SLC15A4: variants seen among roughly 807,000 people sequenced by gnomAD.
The protein encoded by SLC15A4 is hPHT1.
Under a neutral mutation model 46.1 loss-of-function variants are expected in SLC15A4, and 26 were observed. That is an observed-to-expected ratio of 0.56 (90% CI 0.41 to 0.78). The LOEUF (loss-of-function observed/expected upper bound fraction) is 0.78. SLC15A4 is among the 30% of genes least tolerant of loss of function. The pLI is 0.00. For synonymous variants in SLC15A4, 370 were observed against 333.4 expected (o/e 1.11, Z -1.20); for missense variants, 751 against 755.7 (o/e 0.99, Z 0.07).
At chr12:128,798,047 T>C (rs896910180) in intron 7 of SLC15A4, among the ~76,000 whole-genome samples, 3 of 152,200 alleles carry the variant, frequency 2.0e-5, no homozygotes, top group Admixed American at 6.5e-5. Context: ...ACAGAAATGA[T>C]GAATGAAAGG....
rs1424646696 is a variant in SLC15A4 at position 128,823,686 on chromosome 12, G to A, written c.258C>T (p.Tyr86=). 5 of 1,516,116 alleles carry A rather than the reference G, an allele frequency of 3.3e-6. No individual in the cohort carries two copies. Among genetic ancestry groups the A allele is most frequent in the South Asian group, 2.4e-5 (2 of 81,878 alleles). 93.9% of individuals were successfully genotyped at this position (1,516,116 alleles called of 1,614,324 possible). A position where few individuals can be genotyped will look rare whatever the true frequency, so the allele number is the denominator to read the frequency against. ...GCCAGCCTCCGAACGGCGAGCCCAGGTAGGTGAGGCCCATGAAGAGCAGCA... is the reference window on the plus strand; with the variant it reads ...GCCAGCCTCCGAACGGCGAGCCCAGATAGGTGAGGCCCATGAAGAGCAGCA... ...EALLLFMGLT[Y]LGSPFGGWLA... Residue 86 remains tyrosine (Y), a synonymous_variant, in exon 1 of 8, where the codon TAC becomes TAT. Coordinates refer to ENST00000266771, the MANE Select transcript of SLC15A4 (RefSeq NM_145648.4).
chr12:128,807,365 A>T (rs1160329481), intron 5 of SLC15A4, among the ~76,000 whole-genome samples: 1 of 152,184 alleles, frequency 6.6e-6, no homozygotes, highest in African/African-American at 2.4e-5. Flanking sequence ...TATGAAACTG[A>T]AAGAGAGGAT....
intron 5 of SLC15A4, among the ~76,000 whole-genome samples, chr12:128,807,015 G>A (rs1955598054): frequency 6.8e-6 from 1 of 146,820 alleles, no homozygotes; most frequent in Non-Finnish European, 1.5e-5. Context: ...CGACTCTCCT[G>A]CCTCAACCTC....
chr12:128,800,862 C>T lies in SLC15A4; in HGVS notation c.1406G>A (p.Ser469Asn). 3 of 1,611,100 alleles carry T rather than the reference C, an allele frequency of 1.9e-6. No homozygotes were observed. The highest frequency in any genetic ancestry group is 8.5e-7 in the Non-Finnish European group (1 of 1,178,704). The part of the protein sequence containing the change: ...LLIGISEIFA[S>N]IAGLEFAYSA... ...GCACTAAAGGTCCTCACCTGCGATA[C>T]TTGCAAAGATCTCGCTGATCCCAAT... is the stretch of plus-strand genomic sequence containing the variant. Residue 469 changes from serine to asparagine, a missense_variant, in exon 6 of 8, where the codon AGT (serine) becomes AAT (asparagine). Physicochemically the swap from Ser to Asn is conservative, Grantham distance 46. Coordinates refer to ENST00000266771, the MANE Select transcript of SLC15A4 (RefSeq NM_145648.4).
At chr12:128,807,650 C>A in intron 5 of SLC15A4, among the ~76,000 whole-genome samples, 1 of 152,336 alleles carries the variant, frequency 6.6e-6, no homozygotes, top group Non-Finnish European at 1.5e-5. Context: ...TCTGCTGAAC[C>A]GCAGCCTGCA....
intron 7 of SLC15A4, among the ~76,000 whole-genome samples, chr12:128,796,975 G>A (rs1955452837): frequency 6.6e-6 from 1 of 152,186 alleles, no homozygotes; most frequent in Non-Finnish European, 1.5e-5. Context: ...CTGTCTCAGG[G>A]TGGCATTACA....
At chr12:128,822,953 G>A (rs1955870509) in intron 1 of SLC15A4, among the ~76,000 whole-genome samples, 1 of 152,086 alleles carries the variant, frequency 6.6e-6, no homozygotes, top group Non-Finnish European at 1.5e-5. Context: ...TAGGCTCAAG[G>A]AATCCTCCTT....
rs1488717483 is a variant in SLC15A4 at position 128,800,855 on chromosome 12, T to C, written c.1413A>G (p.Ala471=). 1.2e-6 allele frequency: 2 copies of C among 1,610,226 alleles called. No individual in the cohort carries two copies. Among genetic ancestry groups the C allele is most frequent in the Admixed American group, 3.4e-5 (2 of 59,254 alleles). ...ACCTCCGGCACTAAAGGTCCTCACC[T>C]GCGATACTTGCAAAGATCTCGCTGA... ...IGISEIFASI[A]GLEFAYSAAP... The change falls in exon 6 of 8, where the codon GCA becomes GCG. Residue 471 remains alanine, a splice_region_variant and synonymous_variant. Coordinates refer to ENST00000266771, the MANE Select transcript of SLC15A4 (RefSeq NM_145648.4).
At chr12:128,801,532 A>C (rs947751153) in intron 5 of SLC15A4, 4 of 152,840 alleles carry the variant, frequency 2.6e-5, no homozygotes, top group African/African-American at 9.6e-5. Context: ...TAATCTTTGC[A>C]ACAAAGTAAG....
At position 128,796,429 on chromosome 12, in the gene SLC15A4, C is replaced by CAAAAAAAAA. The variant is rs57014966; in HGVS notation, c.1574-2082_1574-2074dup. On this transcript the variant is annotated intron_variant, in intron 7 of 7. Transcript: ENST00000266771. Reference sequence around the variant, plus strand: ...GGGCAACAAACGTGAAACTCCATCTCAAAAAAAAAAAAAAAAAAAAAAAAA... The same window carrying CAAAAAAAAA: ...GGGCAACAAACGTGAAACTCCATCTCAAAAAAAAAAAAAAAAAAAAAAAAAAAAAAAAAA... Among the ~76,000 whole-genome samples the CAAAAAAAAA allele has an allele frequency of 3.0e-3, 101 of 33,900 alleles. 2 individuals are homozygous for CAAAAAAAAA. The highest frequency in any genetic ancestry group is 0.038 in the Middle Eastern group (2 of 52). 22.2% of individuals were successfully genotyped at this position (33,900 alleles called of 152,430 possible). A position where few individuals can be genotyped will look rare whatever the true frequency, so the allele number is the denominator to read the frequency against.
intron 5 of SLC15A4, among the ~76,000 whole-genome samples, chr12:128,802,429 C>A (rs1364157654): frequency 6.6e-6 from 1 of 152,138 alleles, no homozygotes; most frequent in Admixed American, 6.5e-5. Context: ...GGGACCATAG[C>A]TGACTACACT....
At chr12:128,821,967 T>C (rs1024659952) in intron 1 of SLC15A4, among the ~76,000 whole-genome samples, 4 of 151,956 alleles carry the variant, frequency 2.6e-5, no homozygotes, top group Non-Finnish European at 5.9e-5. Context: ...GAAGCAGACC[T>C]GACCTGCTAC....
chr12:128,821,802 C>T (rs2135726407), intron 1 of SLC15A4, among the ~76,000 whole-genome samples: 1 of 151,236 alleles, frequency 6.6e-6, no homozygotes, highest in South Asian at 2.1e-4. Flanking sequence ...AGGAGAATCG[C>T]TTGAACTCAG....
At position 128,816,386 on chromosome 12, in the gene SLC15A4, ACT is replaced by A. The variant is rs961284035; in HGVS notation, c.547-1318_547-1317del. 6.4e-4 allele frequency among the ~76,000 whole-genome samples: 98 copies of A among 152,258 alleles called. 1 individual carries two copies. The highest frequency in any genetic ancestry group is 2.2e-3 in the African/African-American group (92 of 41,540). Reference sequence around the variant, plus strand: ...GGCTGATACTGGATCTCATAAAAAGACTCTCTTGCTGTCTTAAAAACTTCTAC... The same window carrying A: ...GGCTGATACTGGATCTCATAAAAAGACTCTTGCTGTCTTAAAAACTTCTAC... On this transcript the variant is annotated intron_variant, in intron 1 of 7. Coordinates refer to ENST00000266771, the MANE Select transcript of SLC15A4 (RefSeq NM_145648.4).
In SLC15A4 at chr12:128,799,369, A is replaced by G; in HGVS notation, c.1463T>C (p.Ile488Thr). 6.2e-7 allele frequency: 1 copy of G among 1,614,202 alleles called. No individual in the cohort carries two copies. Residue 488 changes from isoleucine (I) to threonine (T), a missense_variant, in exon 7 of 8, where the codon ATA becomes ACA. Transcript: ENST00000266771. ...AGAGAAGAAAAAGAACAAGCCCATT[A>G]TGGCACTCTGCATGGACTTGGGGGC... is the stretch of plus-strand genomic sequence containing the variant. ...SAAPKSMQSA[I>T]MGLFFFFSGV...
chr12:128,812,836 G>C (rs1304628685), intron 2 of SLC15A4, among the ~76,000 whole-genome samples: 1 of 152,164 alleles, frequency 6.6e-6, no homozygotes, highest in Non-Finnish European at 1.5e-5. Flanking sequence ...CATACAAACA[G>C]CAGAATCTGA....
At chr12:128,820,601 A>G (rs1272487790) in intron 1 of SLC15A4, among the ~76,000 whole-genome samples, 1 of 151,972 alleles carries the variant, frequency 6.6e-6, no homozygotes, top group Non-Finnish European at 1.5e-5. Context: ...CAATGATTAA[A>G]CCTCTCAAGC....
At position 128,814,894 on chromosome 12, in the gene SLC15A4, GAGGAAGACCACAAA is replaced by G. The variant is rs1455488972; in HGVS notation, c.709_722del (p.Phe237LeufsTer12). ...TGGTGATGAAAACGCTCTGGCCACA[GAGGAAGACCACAAA>G]AGCAAGGCCGACGCAGACAGTGGGG... On this transcript the variant is annotated frameshift_variant, in exon 2 of 8. Coordinates refer to ENST00000266771, the MANE Select transcript of SLC15A4 (RefSeq NM_145648.4). LOFTEE classifies it high-confidence loss of function. 1 of 1,614,202 alleles carries G rather than the reference GAGGAAGACCACAAA, an allele frequency of 6.2e-7. No homozygotes were observed. Among genetic ancestry groups the G allele is most frequent in the South Asian group, 1.1e-5 (1 of 91,084 alleles).
At chr12:128,809,713 C>A in intron 3 of SLC15A4, 1 of 537,088 alleles carries the variant, frequency 1.9e-6, no homozygotes, top group Non-Finnish European at 3.2e-6. Context: ...ACAAGAGGGG[C>A]CTGAAAAACC....
Sources: gnomAD v4.1 joint callset for allele counts (sites outside exome capture counted in the v4.1 genomes callset) on GRCh38, gnomAD v4.1.1 for gene constraint, MANE v1.5 for transcripts, NCBI Gene and HGNC (gene_info 2026-07-23, HGNC 2026-07-21) for gene names.